SEPTIN9: variants seen among roughly 807,000 people sequenced by gnomAD.
The protein encoded by SEPTIN9 is septin 9, also known as septin-9.
In SEPTIN9, 13 loss-of-function variants were observed where a neutral mutation model predicts 56.6. That is an observed-to-expected ratio of 0.23 (90% CI 0.15 to 0.37). The LOEUF is 0.37. SEPTIN9 is among the 10% of genes least tolerant of loss of function. SEPTIN9 has a pLI of 1.00. For missense variants in SEPTIN9, 650 were observed against 823.1 expected, an observed-to-expected ratio of 0.79 and a Z score of 2.57; for synonymous variants, 332 against 334.1, an observed-to-expected ratio of 0.99 and a Z score of 0.07.
At chr17:77,466,296 A>T (rs1327686783) in intron 3 of SEPTIN9, 2 of 698,006 alleles carry the variant, frequency 2.9e-6, no homozygotes, top group African/African-American at 1.9e-5. Context: ...TGGAGGGCCC[A>T]GTGGGCGCAG....
intron 3 of SEPTIN9, among the ~76,000 whole-genome samples, chr17:77,481,650 C>T (rs927134384): frequency 2.7e-5 from 4 of 150,882 alleles, no homozygotes; most frequent in African/African-American, 9.9e-5. Context: ...GCTCGTGGAT[C>T]GGCTTCTAAG....
intron 2 of SEPTIN9, among the ~76,000 whole-genome samples, chr17:77,344,163 T>C (rs896619628): frequency 1.5e-5 from 2 of 132,724 alleles, no homozygotes; most frequent in Non-Finnish European, 3.2e-5. Context: ...TATAAAGAAC[T>C]CCTACAACTA....
chr17:77,376,410 G>A, intron 2 of SEPTIN9: 1 of 985,440 alleles, frequency 1.0e-6, no homozygotes, highest in Non-Finnish European at 1.2e-6. Flanking sequence ...TAGGCCGAAA[G>A]GGTGGGGAGG....
intron 2 of SEPTIN9, among the ~76,000 whole-genome samples, chr17:77,391,606 C>T (rs2035541647): frequency 6.6e-6 from 1 of 152,170 alleles, no homozygotes; most frequent in African/African-American, 2.4e-5. Flanking sequence ...TCGCAGGTTC[C>T]AGGAGTTAGG....
rs1017867337 is a variant in SEPTIN9 at position 77,319,582 on chromosome 17, C to G, written c.76+12385C>G. 6.6e-6 allele frequency: 7 copies of G among 1,059,392 alleles called. No individual in the cohort carries two copies. The Admixed American group carries it at 2.7e-4, about 41-fold the overall frequency. The allele number at this position is 1,059,392 out of a possible 1,614,324, so 65.6% of individuals were successfully genotyped here. A position where few individuals can be genotyped will look rare whatever the true frequency, so the allele number is the denominator to read the frequency against. On this transcript the variant is annotated intron_variant, in intron 2 of 11. Coordinates refer to ENST00000427177, the MANE Select transcript of SEPTIN9 (RefSeq NM_001113491.2). The surrounding 1 kb of genome is among the most constrained non-coding windows in gnomAD (Gnocchi z 5.3). ...TCTCAGGGTTCCTCCTGGGCAGGTGCTCCGGAACCTTTTCTCAGCACGCTG... is the reference window on the plus strand; with the variant it reads ...TCTCAGGGTTCCTCCTGGGCAGGTGGTCCGGAACCTTTTCTCAGCACGCTG...
intron 3 of SEPTIN9, among the ~76,000 whole-genome samples, chr17:77,455,571 C>T (rs980478747): frequency 6.6e-6 from 1 of 152,224 alleles, no homozygotes; most frequent in African/African-American, 2.4e-5. Flanking sequence ...CACCACAGGA[C>T]CAGGAGGTAC....
chr17:77,412,393 C>G lies in SEPTIN9; in HGVS notation c.721+9690C>G, dbSNP rs374200432. ...ATGTTATAGGCCAGGGCCCTGTGTT[C>G]TCTTTTCATTTGGAAGGTGTATCCT... On this transcript the variant is annotated intron_variant, in intron 3 of 11. Coordinates refer to ENST00000427177, the MANE Select transcript of SEPTIN9 (RefSeq NM_001113491.2). Among the ~76,000 whole-genome samples, 8 of 152,306 alleles carry G rather than the reference C, an allele frequency of 5.3e-5. No homozygotes were observed. The South Asian group carries it at 1.7e-3, about 32-fold the overall frequency.
chr17:77,306,576 G>A (rs2143591871), intron 1 of SEPTIN9, among the ~76,000 whole-genome samples: 2 of 152,346 alleles, frequency 1.3e-5, no homozygotes, highest in East Asian at 3.9e-4. Flanking sequence ...TCCCTCCTGG[G>A]GCAAAAGGTA....
Position 77,300,267 on chromosome 17 carries a change from C to T in SEPTIN9, c.20-6874C>T, listed in dbSNP as rs74255242. On this transcript the variant is annotated intron_variant, in intron 1 of 11. Coordinates refer to ENST00000427177, the MANE Select transcript of SEPTIN9 (RefSeq NM_001113491.2). ...CGTGCACCACCACTGAGAACAATGCCTTCTACAGTGTTTATTCTCCTGTAG... is the reference window on the plus strand; with the variant it reads ...CGTGCACCACCACTGAGAACAATGCTTTCTACAGTGTTTATTCTCCTGTAG... 1.5e-3 allele frequency among the ~76,000 whole-genome samples: 236 copies of T among 152,286 alleles called. 3 individuals carry two copies. The East Asian group carries it at 0.04, about 26-fold the overall frequency.
rs780119081 is a variant in SEPTIN9, at chr17:77,475,935, C to T, written c.722-6209C>T. 7.6e-6 allele frequency: 12 copies of T among 1,586,444 alleles called. No individual in the cohort carries two copies. The East Asian group carries it at 2.2e-4, about 30-fold the overall frequency. On this transcript the variant is annotated intron_variant, in intron 3 of 11. Transcript: ENST00000427177. The surrounding 1 kb of genome is among the most constrained non-coding windows in gnomAD (Gnocchi z 4.6). ...GGGGATGTGGCCATTTCGGTCCGTG[C>T]TCTGAGAGCCAGGTGTGGGTTGGGT...
chr17:77,401,947 G>T, intron 2 of SEPTIN9, 112 bp from the exon 3 acceptor site: 1 of 1,074,328 alleles, frequency 9.3e-7, no homozygotes. Flanking sequence ...AGAGACCCCC[G>T]GCCCTCACCG....
rs887189814 is a variant in SEPTIN9, at chr17:77,487,784, G to A, written c.1042+232G>A. Among the ~76,000 whole-genome samples the A allele has an allele frequency of 1.3e-5, 2 of 150,352 alleles. No homozygotes were observed. The highest frequency in any genetic ancestry group is 3.0e-5 in the Non-Finnish European group (2 of 67,646). ...CCTGCCTTCCTGGAGCACAGGGGTTGGGGGTCAAGACCATCACACACGGTC... is the reference window on the plus strand; with the variant it reads ...CCTGCCTTCCTGGAGCACAGGGGTTAGGGGTCAAGACCATCACACACGGTC... On this transcript the variant is annotated intron_variant, in intron 5 of 11. Transcript: ENST00000427177. This position sits in a 1 kb window ranked among gnomAD's most constrained non-coding sequence, Gnocchi z 4.3.
At chr17:77,368,897 T>C (rs2034643659) in intron 2 of SEPTIN9, among the ~76,000 whole-genome samples, 1 of 152,234 alleles carries the variant, frequency 6.6e-6, no homozygotes, top group Non-Finnish European at 1.5e-5. Flanking sequence ...ATATTCGTGG[T>C]GACTAAACAT....
At chr17:77,378,703 C>T (rs1287653629) in intron 2 of SEPTIN9, among the ~76,000 whole-genome samples, 1 of 152,146 alleles carries the variant, frequency 6.6e-6, no homozygotes, top group Non-Finnish European at 1.5e-5. Flanking sequence ...CCCTCTGAGC[C>T]CGACAGGTAC....
chr17:77,348,294 GTTTTTTTTT>G (rs367934946), intron 2 of SEPTIN9, among the ~76,000 whole-genome samples: 1 of 89,754 alleles, frequency 1.1e-5, no homozygotes, highest in Non-Finnish European at 2.0e-5. Flanking sequence ...TTTAATTTAT[GTTTTTTTTT>G]TTTTTTTTTT....
chr17:77,307,598 T>C (rs2032321938), intron 2 of SEPTIN9, among the ~76,000 whole-genome samples: 1 of 151,972 alleles, frequency 6.6e-6, no homozygotes, highest in African/African-American at 2.4e-5. Flanking sequence ...CCCTGCAACC[T>C]TGCAGGATGG....
chr17:77,379,631 G>T (rs1008445445), intron 2 of SEPTIN9, among the ~76,000 whole-genome samples: 1 of 152,268 alleles, frequency 6.6e-6, no homozygotes, highest in Admixed American at 6.5e-5. Context: ...TCAGGGATGA[G>T]TCTTGGCCAC....
chr17:77,390,231 C>T (rs1453930679), intron 2 of SEPTIN9, among the ~76,000 whole-genome samples: 1 of 151,132 alleles, frequency 6.6e-6, no homozygotes, highest in Non-Finnish European at 1.5e-5. Context: ...CCCGTAGTCC[C>T]AGCTACTCGG....
chr17:77,478,370 A>T (rs557359716), intron 3 of SEPTIN9, among the ~76,000 whole-genome samples: 9 of 152,256 alleles, frequency 5.9e-5, no homozygotes, highest in Non-Finnish European at 1.0e-4. Context: ...CCATAATTCC[A>T]CTTCTGGGTG....
Sources: gnomAD v4.1 joint callset for allele counts (sites outside exome capture counted in the v4.1 genomes callset) on GRCh38, gnomAD v4.1.1 for gene constraint, Gnocchi (gnomAD v3.1) non-coding constraint, MANE v1.5 for transcripts, NCBI Gene and HGNC (gene_info 2026-07-23, HGNC 2026-07-21) for gene names.